The following LDLRAD4 variants were observed in gnomAD, a reference collection of about 807,000 sequenced individuals.
LDLRAD4 encodes low-density lipoprotein receptor class A domain-containing protein 4.
Under a neutral mutation model 17.0 loss-of-function variants are expected in LDLRAD4, and 5 were observed. That is an observed-to-expected ratio of 0.29 (90% CI 0.15 to 0.62). LDLRAD4 has a LOEUF of 0.62. Ranked by LOEUF, LDLRAD4 falls within the 20% of genes least tolerant of loss-of-function variation. The probability of loss-of-function intolerance (pLI) is 0.84; values close to 1 mark genes in which losing one functional copy is unlikely to be tolerated. For missense variants in LDLRAD4, 340 were observed against 424.7 expected (o/e 0.80, Z 1.75); for synonymous variants, 168 against 171.8 (o/e 0.98, Z 0.17).
At chr18:13,368,047 C>T (rs2084195414) in intron 1 of LDLRAD4, among the ~76,000 whole-genome samples, 1 of 152,052 alleles carries the variant, frequency 6.6e-6, no homozygotes, top group Admixed American at 6.6e-5. Flanking sequence ...AAATAAGGAA[C>T]AGATGTGGGA....
At chr18:13,294,740 G>A (rs947767688) in intron 1 of LDLRAD4, among the ~76,000 whole-genome samples, 4 of 151,726 alleles carry the variant, frequency 2.6e-5, no homozygotes, top group Admixed American at 6.6e-5. Context: ...GGAAAATTCC[G>A]GTTGCAGACT....
intron 3 of LDLRAD4, among the ~76,000 whole-genome samples, chr18:13,475,896 C>T (rs776864579): frequency 1.8e-4 from 28 of 152,038 alleles, no homozygotes; most frequent in Non-Finnish European, 4.0e-4. Context: ...TGCAGAGGAA[C>T]GAAAGAATTT....
chr18:13,579,485 T>G (rs2094825670), intron 3 of LDLRAD4, among the ~76,000 whole-genome samples: 1 of 152,202 alleles, frequency 6.6e-6, no homozygotes, highest in Non-Finnish European at 1.5e-5. Flanking sequence ...GGGGATCTCT[T>G]TCTTCATGGA....
rs1180319250 is a variant in LDLRAD4, at chr18:13,620,975, G to A, written c.182-142G>A. On this transcript the variant is annotated intron_variant, in intron 3 of 5. Transcript: ENST00000359446. ...TCTCCTTCCCTAAAGTGGGACAGTC[G>A]TTTCTGTGTCCTGCTGGCCTCTGAG... The A allele has an allele frequency of 1.8e-5, 22 of 1,201,126 alleles. No homozygotes were observed. In the East Asian group the frequency reaches 3.5e-4, roughly 19 times the overall value. 74.4% of individuals were successfully genotyped at this position (1,201,126 alleles called of 1,614,324 possible). A position where few individuals can be genotyped will look rare whatever the true frequency, so the allele number is the denominator to read the frequency against.
At chr18:13,534,363 CTGTTGTTAAATCACCCT>C (rs1238451646) in intron 3 of LDLRAD4, among the ~76,000 whole-genome samples, 1 of 152,168 alleles carries the variant, frequency 6.6e-6, no homozygotes, top group Non-Finnish European at 1.5e-5. Context: ...TTAATGGGAC[CTGTTGTTAAATCACCCT>C]GTGTTTCCCC....
chr18:13,301,240 C>T (rs985406424), intron 1 of LDLRAD4, among the ~76,000 whole-genome samples: 2 of 151,822 alleles, frequency 1.3e-5, no homozygotes, highest in African/African-American at 4.8e-5. Flanking sequence ...GTTATTTAAC[C>T]CAGAATGTCC....
At chr18:13,532,203 A>G (rs903414938) in intron 3 of LDLRAD4, among the ~76,000 whole-genome samples, 1 of 152,294 alleles carries the variant, frequency 6.6e-6, no homozygotes, top group African/African-American at 2.4e-5. Context: ...CATGCGGTGG[A>G]CGGCTCCTGC....
chr18:13,633,325 GAA>G, intron 4 of LDLRAD4, among the ~76,000 whole-genome samples: 1 of 152,376 alleles, frequency 6.6e-6, no homozygotes, highest in East Asian at 1.9e-4. Context: ...ACTCCACTCA[GAA>G]CTGACAGCTT....
intron 2 of LDLRAD4, chr18:13,420,180 G>T (rs2089313264): frequency 6.6e-6 from 1 of 152,198 alleles, no homozygotes; most frequent in Non-Finnish European, 1.5e-5. Context: ...CTTCATGAAA[G>T]CATATCTGAG....
chr18:13,362,726 A>T (rs1033243686), intron 1 of LDLRAD4: 1 of 152,236 alleles, frequency 6.6e-6, no homozygotes, highest in Non-Finnish European at 1.5e-5. Flanking sequence ...GAAGACAAAG[A>T]TGATAAACGT....
At chr18:13,315,723 G>T (rs1397886958) in intron 1 of LDLRAD4, among the ~76,000 whole-genome samples, 2 of 150,716 alleles carry the variant, frequency 1.3e-5, no homozygotes, top group Non-Finnish European at 1.5e-5. Flanking sequence ...GTTGGAGGTT[G>T]TGGTGAGCTG....
Position 13,610,265 on chromosome 18 carries a change from A to ATTTTTT in LDLRAD4, c.182-10817_182-10812dup, listed in dbSNP as rs1157718015. Among the ~76,000 whole-genome samples the ATTTTTT allele has an allele frequency of 1.5e-3, 92 of 62,506 alleles. 24 individuals carry two copies. The highest frequency in any genetic ancestry group is 2.3e-3 in the Non-Finnish European group (67 of 29,686). The allele number at this position is 62,506 out of a possible 152,430, so 41.0% of individuals were successfully genotyped here. ...TTCCATGAAGTTCACCAAAGCCCTA[A>ATTTTTT]TTTTTTTTTTTTTTTTTTTTTTTTT... On this transcript the variant is annotated intron_variant, in intron 3 of 5. Transcript: ENST00000359446.
At chr18:13,628,537 T>C (rs2041378392) in intron 4 of LDLRAD4, among the ~76,000 whole-genome samples, 1 of 152,194 alleles carries the variant, frequency 6.6e-6, no homozygotes, top group African/African-American at 2.4e-5. Flanking sequence ...GCTGCCCAGG[T>C]GGTCATTTGA....
intron 3 of LDLRAD4, among the ~76,000 whole-genome samples, chr18:13,481,778 T>C (rs756999884): frequency 2.0e-5 from 3 of 152,148 alleles, no homozygotes; most frequent in Non-Finnish European, 4.4e-5. Flanking sequence ...CATGAGCCCC[T>C]CTAGGAAGGG....
intron 3 of LDLRAD4, among the ~76,000 whole-genome samples, chr18:13,523,062 G>A (rs1460961723): frequency 1.3e-5 from 2 of 152,108 alleles, no homozygotes. Flanking sequence ...AGGTCCCAGT[G>A]TCCACAGCAG....
At chr18:13,358,993 G>C (rs971111134) in intron 1 of LDLRAD4, among the ~76,000 whole-genome samples, 1 of 152,158 alleles carries the variant, frequency 6.6e-6, no homozygotes, top group Non-Finnish European at 1.5e-5. Context: ...CAAAACCCAA[G>C]ACTGTGATGT....
At chr18:13,279,024 T>A (rs2045075183) in intron 1 of LDLRAD4, among the ~76,000 whole-genome samples, 1 of 152,182 alleles carries the variant, frequency 6.6e-6, no homozygotes, top group Non-Finnish European at 1.5e-5. Context: ...CTTTTTACAG[T>A]TGGGTGCAAA....
intron 3 of LDLRAD4, among the ~76,000 whole-genome samples, chr18:13,478,386 A>C (rs906580731): frequency 2.0e-5 from 3 of 152,240 alleles, no homozygotes; most frequent in African/African-American, 4.8e-5. Context: ...CCTTTAATCC[A>C]TTCTGAACAT....
At chr18:13,505,620 C>T (rs557358388) in intron 3 of LDLRAD4, among the ~76,000 whole-genome samples, 22 of 152,240 alleles carry the variant, frequency 1.4e-4, no homozygotes, top group African/African-American at 4.8e-4. Flanking sequence ...GAGATTGAGA[C>T]CATCCTGGCT....
Sources: allele counts gnomAD v4.1 joint callset (sites outside exome capture counted in the v4.1 genomes callset), GRCh38; gene constraint gnomAD v4.1.1; transcripts MANE v1.5; gene names NCBI Gene and HGNC (gene_info 2026-07-23, HGNC 2026-07-21).